Variants in MEI4 observed in about 807,000 individuals in gnomAD.
MEI4 encodes meiosis-specific protein MEI4.
Under a neutral mutation model 31.4 loss-of-function variants are expected in MEI4, and 27 were observed. That is an observed-to-expected ratio of 0.86 (90% CI 0.63 to 1.19). MEI4 has a LOEUF of 1.19. MEI4 is among the 50% of genes most tolerant of loss of function. The probability of loss-of-function intolerance (pLI) is 0.00; values close to 1 mark genes in which losing one functional copy is unlikely to be tolerated. For synonymous variants in MEI4, 122 were observed against 145.4 expected (o/e 0.84, Z 1.16); for missense variants, 329 against 398.9 (o/e 0.82, Z 1.49).
At chr6:77,704,616 C>A (rs1270281434) in intron 2 of MEI4, among the ~76,000 whole-genome samples, 1 of 152,128 alleles carries the variant, frequency 6.6e-6, no homozygotes, top group Non-Finnish European at 1.5e-5. Flanking sequence ...ATCAGAAATT[C>A]TAAGTGGGGC....
intron 3 of MEI4, among the ~76,000 whole-genome samples, chr6:77,809,576 G>T (rs1769523115): frequency 6.6e-6 from 1 of 152,080 alleles, no homozygotes; most frequent in African/African-American, 2.4e-5. Context: ...TACAGGAAAG[G>T]TATATTATGC....
Position 77,923,615 on chromosome 6 carries a change from A to G in MEI4, c.*269A>G, listed in dbSNP as rs9352544. The G allele has an allele frequency of 0.065, 14,252 of 219,614 alleles. 1,536 individuals are homozygous for G. The highest frequency in any genetic ancestry group is 0.44 in the East Asian group (4,906 of 11,272). The allele number at this position is 219,614 out of a possible 1,614,324, so 13.6% of individuals were successfully genotyped here. A position where few individuals can be genotyped will look rare whatever the true frequency, so the allele number is the denominator to read the frequency against. ...ATTTCACTCAATATAGTTTAGCTCT[A>G]TTATTCTGTAAAATGGACCATTAAT... On this transcript the variant is annotated 3_prime_UTR_variant, in exon 5 of 5. Transcript: ENST00000684080.
intron 3 of MEI4, among the ~76,000 whole-genome samples, chr6:77,784,711 A>C (rs1201623758): frequency 6.6e-6 from 1 of 152,210 alleles, no homozygotes; most frequent in Non-Finnish European, 1.5e-5. Flanking sequence ...GATGCTGAGC[A>C]GTGTTAAATG....
At chr6:77,742,640 C>A (rs1767446596) in intron 2 of MEI4, among the ~76,000 whole-genome samples, 1 of 152,170 alleles carries the variant, frequency 6.6e-6, no homozygotes, top group South Asian at 2.1e-4. Context: ...TCCCATTTGT[C>A]AATTTTGGCT....
chr6:77,876,470 G>A (rs7745063), intron 4 of MEI4, among the ~76,000 whole-genome samples: 21,367 of 152,050 alleles, frequency 0.14, 1,783 homozygotes, highest in East Asian at 0.39. Context: ...TGCTGGCACC[G>A]TGCTCCTGGA....
At chr6:77,883,717 G>GATATATATATATATATATATATATATAT (rs570185624) in intron 4 of MEI4, among the ~76,000 whole-genome samples, 16 of 43,308 alleles carry the variant, frequency 3.7e-4, no homozygotes, top group African/African-American at 3.8e-4. Context: ...TATTATGTAA[G>GATATATATATATATATATATATATATAT]ATATATATAT....
intron 4 of MEI4, among the ~76,000 whole-genome samples, chr6:77,914,537 A>G (rs1766499955): frequency 6.6e-6 from 1 of 152,080 alleles, no homozygotes. Flanking sequence ...TCATGTGCTG[A>G]TAAGAATAAC....
intron 3 of MEI4, among the ~76,000 whole-genome samples, chr6:77,782,580 A>G (rs1768622093): frequency 6.6e-6 from 1 of 152,114 alleles, no homozygotes; most frequent in Non-Finnish European, 1.5e-5. Context: ...ATTTTTTCAT[A>G]AGGGAAAAGG....
chr6:77,698,801 C>T (rs1484443151), intron 2 of MEI4, among the ~76,000 whole-genome samples: 1 of 152,126 alleles, frequency 6.6e-6, no homozygotes, highest in African/African-American at 2.4e-5. Context: ...TTTCCTGAAT[C>T]TGAACGTTGG....
intron 2 of MEI4, among the ~76,000 whole-genome samples, chr6:77,720,494 C>A (rs1312170227): frequency 7.9e-6 from 1 of 126,174 alleles, no homozygotes; most frequent in Non-Finnish European, 1.7e-5. Flanking sequence ...GGCAAGTTGC[C>A]CATATGAAAT....
chr6:77,679,727 CTGTTTATTGG>C (rs1255129758), intron 1 of MEI4, among the ~76,000 whole-genome samples: 4 of 151,780 alleles, frequency 2.6e-5, no homozygotes, highest in Non-Finnish European at 4.4e-5. Flanking sequence ...ATGCTTTATG[CTGTTTATTGG>C]TGTTTCCCTC....
In MEI4 at chr6:77,730,423, C is replaced by A. The variant is rs1905263; in HGVS notation, c.233-30707C>A. On this transcript the variant is annotated intron_variant, in intron 2 of 4. Coordinates refer to ENST00000684080, the MANE Select transcript of MEI4 (RefSeq NM_001322247.2). ...CTGACACTTCCTGTTTGTTAGGAAACGGAATTAGGACTATGTTTTCACTAT... is the reference window on the plus strand; with the variant it reads ...CTGACACTTCCTGTTTGTTAGGAAAAGGAATTAGGACTATGTTTTCACTAT... 5.9e-3 allele frequency among the ~76,000 whole-genome samples: 890 copies of A among 151,976 alleles called. 11 individuals are homozygous for A. The highest frequency in any genetic ancestry group is 0.021 in the African/African-American group (855 of 41,452).
chr6:77,795,773 AAAAAACTCCCAAC>A (rs1419384420), intron 3 of MEI4, among the ~76,000 whole-genome samples: 1 of 151,876 alleles, frequency 6.6e-6, no homozygotes, highest in African/African-American at 2.4e-5. Flanking sequence ...TTGGAAAAAA[AAAAAACTCCCAAC>A]AAATAAAAAC....
At chr6:77,742,520 G>A (rs891646672) in intron 2 of MEI4, among the ~76,000 whole-genome samples, 8 of 151,964 alleles carry the variant, frequency 5.3e-5, no homozygotes, top group Non-Finnish European at 7.4e-5. Flanking sequence ...CTGGATATTA[G>A]CCCCTTGGTG....
At chr6:77,715,444 T>C (rs1325255764) in intron 2 of MEI4, among the ~76,000 whole-genome samples, 1 of 152,218 alleles carries the variant, frequency 6.6e-6, no homozygotes, top group Non-Finnish European at 1.5e-5. Flanking sequence ...TCCTTTTTAC[T>C]AATCATAAGA....
intron 2 of MEI4, among the ~76,000 whole-genome samples, chr6:77,743,732 C>T (rs1767490246): frequency 6.6e-6 from 1 of 152,202 alleles, no homozygotes; most frequent in African/African-American, 2.4e-5. Flanking sequence ...TAGGGGCAGA[C>T]TGACACCTCA....
intron 2 of MEI4, among the ~76,000 whole-genome samples, chr6:77,706,875 A>G (rs994623840): frequency 2.0e-5 from 3 of 152,184 alleles, no homozygotes; most frequent in Non-Finnish European, 4.4e-5. Flanking sequence ...TGCTGCCACC[A>G]TGCTTATACA....
intron 4 of MEI4, among the ~76,000 whole-genome samples, chr6:77,883,820 A>G (rs867505411): frequency 7.4e-5 from 11 of 148,462 alleles, no homozygotes; most frequent in African/African-American, 2.5e-4. Context: ...GAATAGTGCT[A>G]CAGTGAACAG....
At position 77,923,104 on chromosome 6, in the gene MEI4, G is replaced by T. The variant is rs201491684; in HGVS notation, c.916G>T (p.Asp306Tyr). The change falls in exon 5 of 5, where the codon GAT (aspartate) becomes TAT (tyrosine). Residue 306 changes from aspartate (D) to tyrosine (Y), a missense_variant. Transcript: ENST00000684080. ...TTATTTGTAGGAGCAAGCCAGTTAT[G>T]ATGTGTCACGCTATGAAAACATTTT... ...GAINQEQASYDVSRYENIFYL... is the reference protein window; with the variant it reads ...GAINQEQASYYVSRYENIFYL... 3.7e-4 allele frequency: 456 copies of T among 1,230,074 alleles called. No individual in the cohort carries two copies. The highest frequency in any genetic ancestry group is 4.4e-4 in the Non-Finnish European group (433 of 986,560). The allele number at this position is 1,230,074 out of a possible 1,614,324, so 76.2% of individuals were successfully genotyped here. A position where few individuals can be genotyped will look rare whatever the true frequency, so the allele number is the denominator to read the frequency against.
Sources: gnomAD v4.1 joint callset for allele counts (sites outside exome capture counted in the v4.1 genomes callset) on GRCh38, gnomAD v4.1.1 for gene constraint, MANE v1.5 for transcripts, NCBI Gene and HGNC (gene_info 2026-07-23, HGNC 2026-07-21) for gene names.